Variants in CRLF3 observed in about 807,000 individuals in gnomAD.
The protein encoded by CRLF3 is cytokine receptor like factor 3.
Under a neutral mutation model 55.0 loss-of-function variants are expected in CRLF3, and 33 were observed. The ratio of observed to expected loss-of-function variants is 0.60; its 90% CI spans 0.46 to 0.80. CRLF3 has a LOEUF of 0.80. CRLF3 is among the 30% of genes least tolerant of loss of function. The pLI is 0.00. For synonymous variants in CRLF3, 238 were observed against 196.8 expected (o/e 1.21, Z -1.75); for missense variants, 494 against 538.4 (o/e 0.92, Z 0.82).
chr17:30,822,051 C>T (rs142530911), intron 1 of CRLF3, among the ~76,000 whole-genome samples: 3 of 143,478 alleles, frequency 2.1e-5, no homozygotes, highest in South Asian at 2.3e-4. Context: ...AAACCCTGTC[C>T]GCACCCCCGC....
intron 1 of CRLF3, among the ~76,000 whole-genome samples, chr17:30,818,659 G>C (rs1275207788): frequency 6.6e-6 from 1 of 151,474 alleles, no homozygotes; most frequent in Non-Finnish European, 1.5e-5. Flanking sequence ...TCATCGTATG[G>C]GTCAGGCTTG....
At chr17:30,797,710 C>G (rs1292610622) in intron 2 of CRLF3, among the ~76,000 whole-genome samples, 1 of 151,572 alleles carries the variant, frequency 6.6e-6, no homozygotes, top group African/African-American at 2.4e-5. Context: ...CCTACAGAAT[C>G]ATTATGAACT....
chr17:30,795,563 G>A (rs1971901538), intron 4 of CRLF3, among the ~76,000 whole-genome samples: 2 of 151,930 alleles, frequency 1.3e-5, no homozygotes. Context: ...AGCACTTTGG[G>A]AGGCCAAGGT....
chr17:30,794,632 T>G (rs995143631), intron 4 of CRLF3, among the ~76,000 whole-genome samples: 2 of 151,868 alleles, frequency 1.3e-5, no homozygotes, highest in Non-Finnish European at 2.9e-5. Context: ...ACCCCATCTC[T>G]ACAAAAAATT....
intron 1 of CRLF3, among the ~76,000 whole-genome samples, chr17:30,807,659 A>T (rs1346448757): frequency 6.7e-6 from 1 of 148,766 alleles, no homozygotes; most frequent in East Asian, 2.0e-4. Flanking sequence ...TAGTCTCCTG[A>T]GTAGCTGAGA....
At chr17:30,793,315 A>G (rs986971930) in intron 5 of CRLF3, 135 bp downstream of exon 5, 4 of 653,208 alleles carry the variant, frequency 6.1e-6, no homozygotes, top group African/African-American at 1.8e-5. Context: ...TGAGTAAAAG[A>G]CATGGTGCAT....
In CRLF3 at chr17:30,783,238, C is replaced by T. The variant is rs1567654653; in HGVS notation, c.*949G>A. 6.6e-6 allele frequency: 1 copy of T among 152,198 alleles called. No homozygotes were observed. Among genetic ancestry groups the T allele is most frequent in the Non-Finnish European group, 1.5e-5 (1 of 68,042 alleles). 9.4% of individuals were successfully genotyped at this position (152,198 alleles called of 1,614,324 possible). Reference sequence around the variant, plus strand: ...TAACTAGTTTTACCCTGTAAAAATACTGTAGCCTATACTGTATCAAATTGC... The same window carrying T: ...TAACTAGTTTTACCCTGTAAAAATATTGTAGCCTATACTGTATCAAATTGC... On this transcript the variant is annotated 3_prime_UTR_variant, in exon 8 of 8. Transcript: ENST00000324238.
At chr17:30,810,767 CT>C in intron 1 of CRLF3, among the ~76,000 whole-genome samples, 1 of 152,246 alleles carries the variant, frequency 6.6e-6, no homozygotes, top group East Asian at 1.9e-4. Flanking sequence ...ACAACAGTGA[CT>C]GATATATTTT....
intron 6 of CRLF3, among the ~76,000 whole-genome samples, chr17:30,788,602 T>TTTA (rs1971708110): frequency 2.2e-5 from 2 of 89,018 alleles, no homozygotes; most frequent in African/African-American, 9.9e-5. Flanking sequence ...GTGCCTTCTT[T>TTTA]TTTTTTTTTT....
intron 4 of CRLF3, among the ~76,000 whole-genome samples, chr17:30,794,644 C>G (rs1422617712): frequency 1.3e-5 from 2 of 151,922 alleles, no homozygotes; most frequent in Non-Finnish European, 2.9e-5. Flanking sequence ...CAAAAAATTA[C>G]AAAACTTAGC....
chr17:30,808,065 C>CAT lies in CRLF3; in HGVS notation c.130-3959_130-3958dup, dbSNP rs1483262276. 5.9e-5 allele frequency among the ~76,000 whole-genome samples: 9 copies of CAT among 152,232 alleles called. No homozygotes were observed. In the South Asian group the frequency reaches 1.7e-3, roughly 28 times the overall value. On this transcript the variant is annotated intron_variant, in intron 1 of 7. Transcript: ENST00000324238. The stretch of plus-strand genomic sequence containing the variant: ...TCTTTGCAAACTGGGCCCTCATCTA[C>CAT]ATAGCATCTGGTAAACAAATGCTGT...
rs1334531896 is a variant in CRLF3 at position 30,784,320 on chromosome 17, T to C, written c.1196A>G (p.His399Arg). ...LGTTSNNEGG[H>R]FKLRVTISSN... is the part of the protein sequence containing the mutation. ...ACTTATAGTTACTCGAAGCTTGAAG[T>C]GTCCACCTTCATTATTACTGGTGGT... The change falls in exon 8 of 8, where the codon CAC becomes CGC. Residue 399 changes from histidine (H) to arginine (R), a missense_variant. His to Arg is a conservative substitution (Grantham distance 29). Coordinates refer to ENST00000324238, the MANE Select transcript of CRLF3 (RefSeq NM_015986.4). 1.2e-6 allele frequency: 2 copies of C among 1,614,162 alleles called. No homozygotes were observed. Among genetic ancestry groups the C allele is most frequent in the Non-Finnish European group, 8.5e-7 (1 of 1,179,994 alleles).
chr17:30,795,069 T>C (rs931227156), intron 4 of CRLF3, among the ~76,000 whole-genome samples: 5 of 151,922 alleles, frequency 3.3e-5, no homozygotes, highest in South Asian at 2.1e-4. Flanking sequence ...AAAATACTTA[T>C]AGCAAAAAAC....
intron 1 of CRLF3, among the ~76,000 whole-genome samples, chr17:30,811,410 C>T (rs561081456): frequency 3.0e-4 from 45 of 151,090 alleles, no homozygotes; most frequent in Admixed American, 7.9e-4. Flanking sequence ...GCCGAGATCA[C>T]GCCACTGTAC....
chr17:30,797,183 G>T, intron 3 of CRLF3, 128 bp downstream of exon 3: 1 of 723,752 alleles, frequency 1.4e-6, no homozygotes, highest in African/African-American at 1.8e-5. Context: ...AAACCACCAC[G>T]CATGGTCTGA....
At chr17:30,798,977 T>A (rs905122384) in intron 2 of CRLF3, among the ~76,000 whole-genome samples, 8 of 152,124 alleles carry the variant, frequency 5.3e-5, no homozygotes, top group African/African-American at 9.7e-5. Flanking sequence ...TAATTTTTTT[T>A]AATTAAAAAA....
At chr17:30,785,726 G>A (rs963835280) in intron 7 of CRLF3, among the ~76,000 whole-genome samples, 193 bp downstream of exon 7, 7 of 151,416 alleles carry the variant, frequency 4.6e-5, no homozygotes, top group East Asian at 1.9e-4. Flanking sequence ...AGGCTGCAGC[G>A]GGCTACGATC....
chr17:30,795,178 A>T (rs1376582157), intron 4 of CRLF3, among the ~76,000 whole-genome samples: 3 of 152,144 alleles, frequency 2.0e-5, no homozygotes, highest in Non-Finnish European at 4.4e-5. Context: ...AGAAAAAAAA[A>T]TTTCCTTTTA....
chr17:30,808,930 ATACATAT>A (rs1020919702), intron 1 of CRLF3, among the ~76,000 whole-genome samples: 1 of 152,166 alleles, frequency 6.6e-6, no homozygotes, highest in Non-Finnish European at 1.5e-5. Flanking sequence ...GTTGCTTTGT[ATACATAT>A]TACAGATACC....
Sources: allele counts gnomAD v4.1 joint callset (sites outside exome capture counted in the v4.1 genomes callset), GRCh38; gene constraint gnomAD v4.1.1; transcripts MANE v1.5; gene names NCBI Gene and HGNC (gene_info 2026-07-23, HGNC 2026-07-21).